SLC44A2: variants seen among roughly 807,000 people sequenced by gnomAD.
SLC44A2 encodes choline transporter-like protein 2.
SLC44A2 carries 57 observed loss-of-function variants against 90.8 expected under a neutral mutation model. The ratio of observed to expected loss-of-function variants is 0.63; its 90% CI spans 0.51 to 0.78. The LOEUF is 0.78. SLC44A2 is among the 30% of genes least tolerant of loss of function. SLC44A2 has a pLI of 0.00. For synonymous variants in SLC44A2, 355 were observed against 360.7 expected, an observed-to-expected ratio of 0.98 and a Z score of 0.18; for missense variants, 794 against 919.7, an observed-to-expected ratio of 0.86 and a Z score of 1.77.
intron 20 of SLC44A2, 108 bp downstream of exon 20, chr19:10,638,423 G>C (rs1441771080): frequency 2.8e-6 from 3 of 1,061,738 alleles, no homozygotes; most frequent in Non-Finnish European, 4.3e-6. Context: ...GTGGGGAATT[G>C]ATTATTTATT....
rs1237247407 is a variant in SLC44A2 at position 10,631,693 on chromosome 19, C to T, written c.570C>T (p.Thr190=). The T allele has an allele frequency of 3.1e-6, 5 of 1,613,098 alleles. No homozygotes were observed. In the African/African-American group the frequency reaches 6.7e-5, roughly 22 times the overall value. Residue 190 remains threonine, a synonymous_variant, in exon 8 of 22, where the codon ACC becomes ACT. Coordinates refer to ENST00000335757, the MANE Select transcript of SLC44A2 (RefSeq NM_020428.4). ...KGVLMVGNET[T]YEDGHGSRKN... is the part of the protein sequence containing the mutation. ...TCCTGATGGTGGGCAATGAGACGAC[C>T]TATGAGGATGGGCATGGCTCCCGGA...
At chr19:10,637,529 C>T in intron 16 of SLC44A2, 115 bp from the exon 17 acceptor site, 1 of 906,304 alleles carries the variant, frequency 1.1e-6, no homozygotes, top group Non-Finnish European at 1.8e-6. Flanking sequence ...GTCTCTTTGA[C>T]AGCGTGGACT....
chr19:10,640,860 C>T (rs1261447864), intron 20 of SLC44A2, among the ~76,000 whole-genome samples: 7 of 151,998 alleles, frequency 4.6e-5, no homozygotes, highest in African/African-American at 1.4e-4. Flanking sequence ...CCAAGGCAGG[C>T]GGATCATGAA....
chr19:10,617,872 C>T (rs756826484), intron 1 of SLC44A2, among the ~76,000 whole-genome samples: 19 of 152,276 alleles, frequency 1.2e-4, no homozygotes, highest in Non-Finnish European at 2.4e-4. Flanking sequence ...CAGAAACTTC[C>T]GGTACTCCCT....
At position 10,643,812 on chromosome 19, in the gene SLC44A2, C is replaced by T. The variant is rs1049775962; in HGVS notation, c.*427C>T. On this transcript the variant is annotated 3_prime_UTR_variant, in exon 22 of 22. Transcript: ENST00000335757. The stretch of plus-strand genomic sequence containing the variant: ...GCCTGCTCCGGCCAGGACTGAACCC[C>T]TTCTCCACACCTGAACAGTTGGCTC... 6.2e-6 allele frequency: 1 copy of T among 162,136 alleles called. No homozygotes were observed. The highest frequency in any genetic ancestry group is 2.4e-5 in the African/African-American group (1 of 41,630). 10.0% of individuals were successfully genotyped at this position (162,136 alleles called of 1,614,324 possible).
chr19:10,642,804 G>A, intron 21 of SLC44A2: 1 of 1,418,188 alleles, frequency 7.1e-7, no homozygotes. Context: ...TCTCCTCCAT[G>A]CCTGCTGGCT....
chr19:10,641,317 C>T (rs999638873), intron 20 of SLC44A2: 2 of 405,380 alleles, frequency 4.9e-6, no homozygotes, highest in African/African-American at 4.3e-5. Context: ...TCACTTGAGC[C>T]TGGGAGGTCA....
chr19:10,611,934 T>TTAAGCTTTCCATGTGAAAGAATC (rs1918315045), intron 1 of SLC44A2, among the ~76,000 whole-genome samples: 1 of 152,150 alleles, frequency 6.6e-6, no homozygotes, highest in Non-Finnish European at 1.5e-5. Flanking sequence ...CATGGAAGAT[T>TTAAGCTTTCCATGTGAAAGAATC]TTAGCTTTCC....
chr19:10,625,422 G>C (rs2066921809), upstream of SLC44A2: 10 of 1,179,308 alleles, frequency 8.5e-6, no homozygotes, highest in African/African-American at 8.0e-5. Flanking sequence ...AGTGGCGGGA[G>C]CAGCTGCAGC....
rs1168770190 is a variant in SLC44A2, at chr19:10,620,279, G to A, written c.32-5974G>A. ...GCGGATCGCCTGAGGTCAGCAGTTC[G>A]AGACCAGCCTAGCAAACATAGTGAA... is the stretch of plus-strand genomic sequence containing the variant. On this transcript the variant is annotated intron_variant, in intron 1 of 21. Coordinates refer to the SLC44A2 transcript ENST00000407327. Among the ~76,000 whole-genome samples, 5 of 152,132 alleles carry A rather than the reference G, an allele frequency of 3.3e-5. No individual in the cohort carries two copies. The East Asian group carries it at 9.7e-4, about 29-fold the overall frequency.
chr19:10,636,884 A>T, intron 16 of SLC44A2, 128 bp downstream of exon 16: 1 of 996,010 alleles, frequency 1.0e-6, no homozygotes, highest in Non-Finnish European at 1.5e-6. Flanking sequence ...TCTGTCTATG[A>T]CGGGGTGGAG....
intron 1 of SLC44A2, among the ~76,000 whole-genome samples, chr19:10,610,148 G>A (rs947569917): frequency 1.3e-5 from 2 of 151,476 alleles, no homozygotes; most frequent in Non-Finnish European, 2.9e-5. Flanking sequence ...GCCTGTTTTT[G>A]TAAGGCTAGT....
intron 10 of SLC44A2, 116 bp from the exon 11 acceptor site, chr19:10,634,640 T>TAA: frequency 6.7e-7 from 1 of 1,487,228 alleles, no homozygotes; most frequent in Non-Finnish European, 9.3e-7. Context: ...ACTGCAAGTG[T>TAA]AAAGTCCCTG....
chr19:10,638,103 G>T lies in SLC44A2; in HGVS notation c.1840+10G>T. 1 of 1,613,742 alleles carries T rather than the reference G, an allele frequency of 6.2e-7. No individual in the cohort carries two copies. The highest frequency in any genetic ancestry group is 8.5e-7 in the Non-Finnish European group (1 of 1,179,844). ...ATCGTTGGTAGTGTGGGTGAGTGCC[G>T]CCCACCTAGCCTCTCGGGGTGTGGG... is the stretch of plus-strand genomic sequence containing the variant. On this transcript the variant is annotated intron_variant, in intron 19 of 21. Coordinates refer to ENST00000335757, the MANE Select transcript of SLC44A2 (RefSeq NM_020428.4).
intron 1 of SLC44A2, among the ~76,000 whole-genome samples, chr19:10,607,751 T>A (rs1918152829): frequency 1.4e-5 from 1 of 72,480 alleles, no homozygotes; most frequent in African/African-American, 3.9e-5. Flanking sequence ...ATTATTATTA[T>A]TTTTTTTTTT....
At position 10,603,283 on chromosome 19, in the gene SLC44A2, G is replaced by A. The variant is rs78627120; in HGVS notation, c.31+722G>A. 3.5e-3 allele frequency among the ~76,000 whole-genome samples: 528 copies of A among 152,224 alleles called. 4 individuals carry two copies. The highest frequency in any genetic ancestry group is 0.012 in the African/African-American group (479 of 41,560). On this transcript the variant is annotated intron_variant, in intron 1 of 21. Coordinates refer to the SLC44A2 transcript ENST00000407327. ...GGATGTGGGCTTCTCCATCACCAGC[G>A]CCCTGTGGTGCCGCCCTCCCCTGAA...
chr19:10,636,184 C>T, intron 14 of SLC44A2, 139 bp from the exon 15 acceptor site: 2 of 1,062,398 alleles, frequency 1.9e-6, no homozygotes, highest in Admixed American at 4.7e-5. Context: ...ATTCTGAACT[C>T]TTAATTCCTT....
chr19:10,627,724 G>A lies in SLC44A2; in HGVS notation c.89G>A (p.Gly30Asp), dbSNP rs762619529. 114 of 1,612,940 alleles carry A rather than the reference G, an allele frequency of 7.1e-5. No individual in the cohort carries two copies. Among genetic ancestry groups the A allele is most frequent in the Non-Finnish European group, 9.1e-5 (107 of 1,179,920 alleles). The change falls in exon 3 of 22, where the codon GGC becomes GAC. Residue 30 changes from glycine (G) to aspartate (D), a missense_variant and splice_region_variant. Around this residue, in one of 3 missense-constraint regions of SLC44A2, gnomAD observed 738 missense variants for 841.1 expected, o/e 0.88. Coordinates refer to ENST00000335757, the MANE Select transcript of SLC44A2 (RefSeq NM_020428.4). ...AACACTGCCCCTCTGCTCCCCAGGGGCTGCACGGATATCATATGCTGTGTG... is the reference window on the plus strand; with the variant it reads ...AACACTGCCCCTCTGCTCCCCAGGGACTGCACGGATATCATATGCTGTGTG... Reference protein sequence around the residue: ...PTFKGPIYNRGCTDIICCVFL... With the variant: ...PTFKGPIYNRDCTDIICCVFL...
chr19:10,634,395 T>G (rs1344498517), intron 10 of SLC44A2, among the ~76,000 whole-genome samples: 3 of 145,844 alleles, frequency 2.1e-5, no homozygotes, highest in African/African-American at 7.7e-5. Context: ...ACCCGTGAAG[T>G]GGAGGTTGCG....
Sources: gnomAD v4.1 joint callset for allele counts (sites outside exome capture counted in the v4.1 genomes callset) on GRCh38, gnomAD v4.1.1 for gene constraint, gnomAD v4.1.1 regional missense constraint, MANE v1.5 for transcripts, NCBI Gene and HGNC (gene_info 2026-07-23, HGNC 2026-07-21) for gene names.